The following SCN2B variants were observed in gnomAD, a reference collection of about 807,000 sequenced individuals.
SCN2B encodes sodium channel regulatory subunit beta-2.
In SCN2B, 14 loss-of-function variants were observed where a neutral mutation model predicts 18.2. The ratio of observed to expected loss-of-function variants is 0.77; its 90% CI spans 0.51 to 1.21. The LOEUF is 1.21. SCN2B is among the 50% of genes most tolerant of loss of function. The probability of loss-of-function intolerance (pLI) is 0.00; values close to 1 mark genes in which losing one functional copy is unlikely to be tolerated. For missense variants in SCN2B, 262 were observed against 286.9 expected (o/e 0.91, Z 0.63); for synonymous variants, 115 against 115.3 (o/e 1.00, Z 0.02).
rs749991669 is a variant in SCN2B at position 118,166,842 on chromosome 11, G to C, written c.*45C>G. 3 of 1,608,500 alleles carry C rather than the reference G, an allele frequency of 1.9e-6. No homozygotes were observed. The highest frequency in any genetic ancestry group is 2.5e-6 in the Non-Finnish European group (3 of 1,177,050). On this transcript the variant is annotated 3_prime_UTR_variant, in exon 4 of 4. Coordinates refer to ENST00000278947, the MANE Select transcript of SCN2B (RefSeq NM_004588.5). ...AGGCAGGGTCACTGTACAGGGCGGA[G>C]AGGGGAGGAGACGGGACACGGGAGG...
At chr11:118,167,989 G>C in intron 3 of SCN2B, 96 bp downstream of exon 3, 2 of 977,268 alleles carry the variant, frequency 2.0e-6, no homozygotes, top group South Asian at 1.4e-5. Flanking sequence ...CCATCCTCAG[G>C]AGGGCCTGGC....
rs142570954 is a variant in SCN2B at position 118,174,912 on chromosome 11, C to T, written c.70+1450G>A. Among the ~76,000 whole-genome samples the T allele has an allele frequency of 4.5e-3, 683 of 152,316 alleles. 4 individuals are homozygous for T. Among genetic ancestry groups the T allele is most frequent in the African/African-American group, 0.015 (624 of 41,564 alleles). On this transcript the variant is annotated intron_variant, in intron 1 of 3. Coordinates refer to ENST00000278947, the MANE Select transcript of SCN2B (RefSeq NM_004588.5). ...CCAACTCCCCTTCTTTCAGCCTGTC[C>T]TGAGACTCTGATCAATTAGGTACTG...
rs1411707172 is a variant in SCN2B, at chr11:118,168,676, G to A, written c.146C>T (p.Pro49Leu). 3 of 1,614,102 alleles carry A rather than the reference G, an allele frequency of 1.9e-6. No homozygotes were observed. Among genetic ancestry groups the A allele is most frequent in the Non-Finnish European group, 2.5e-6 (3 of 1,180,048 alleles). Residue 49 changes from proline (P) to leucine (L), a missense_variant, in exon 2 of 4, where the codon CCC becomes CTC. Coordinates refer to ENST00000278947, the MANE Select transcript of SCN2B (RefSeq NM_004588.5). The surrounding 1 kb of genome is among the most constrained non-coding windows in gnomAD (Gnocchi z 4.7). ...NVLNGSDARL[P>L]CTFNSCYTVN... Reference sequence around the variant, plus strand: ...TGTGTAGCAGGAGTTGAAGGTGCAGGGCAGGCGGGCGTCAGAGCCATTGAG... The same window carrying A: ...TGTGTAGCAGGAGTTGAAGGTGCAGAGCAGGCGGGCGTCAGAGCCATTGAG...
Position 118,176,367 on chromosome 11 carries a change from G to C in SCN2B, c.65C>G (p.Ser22Cys). The C allele has an allele frequency of 6.2e-7, 1 of 1,613,908 alleles. No homozygotes were observed. ...FSLTGLSLFF[S>C]LVPPGRSMEV... ...TGCAGATGTGTCTAACTTACCCAAA[G>C]AGAAAAAGAGACTGAGCCCCGTGAG... Residue 22 changes from serine to cysteine, a missense_variant, in exon 1 of 4, where the codon TCT becomes TGT. Transcript: ENST00000278947.
chr11:118,170,226 T>C (rs1054434851), intron 1 of SCN2B, among the ~76,000 whole-genome samples: 3 of 152,118 alleles, frequency 2.0e-5, no homozygotes, highest in African/African-American at 7.2e-5. Context: ...CATGGAGTTG[T>C]AGGTAGAGAC....
Position 118,176,584 on chromosome 11 carries a change from C to G in SCN2B, c.-153G>C. Reference sequence around the variant, plus strand: ...CATTAAGGAAGCTTTATTTCCATCTCTCTAATATGGCCGGCTTGTATGTTG... The same window carrying G: ...CATTAAGGAAGCTTTATTTCCATCTGTCTAATATGGCCGGCTTGTATGTTG... On this transcript the variant is annotated 5_prime_UTR_variant, in exon 1 of 4. Transcript: ENST00000278947. The G allele has an allele frequency of 1.6e-6, 1 of 616,778 alleles. No homozygotes were observed. Among genetic ancestry groups the G allele is most frequent in the South Asian group, 1.9e-5 (1 of 53,708 alleles). The allele number at this position is 616,778 out of a possible 1,614,324, so 38.2% of individuals were successfully genotyped here.
Position 118,168,340 on chromosome 11 carries a change from G to T in SCN2B, c.238-45C>A. On this transcript the variant is annotated intron_variant, in intron 2 of 3. Coordinates refer to ENST00000278947, the MANE Select transcript of SCN2B (RefSeq NM_004588.5). This position sits in a 1 kb window ranked among gnomAD's most constrained non-coding sequence, Gnocchi z 4.7. Reference sequence around the variant, plus strand: ...CAGGATGGGTGGCTGGATGAGCAAGGAACTACAAGGACAGTGAGGATGCCC... The same window carrying T: ...CAGGATGGGTGGCTGGATGAGCAAGTAACTACAAGGACAGTGAGGATGCCC... The T allele has an allele frequency of 6.5e-7, 1 of 1,541,010 alleles. No individual in the cohort carries two copies. The highest frequency in any genetic ancestry group is 9.0e-7 in the Non-Finnish European group (1 of 1,113,824).
chr11:118,167,620 A>G (rs1282718678), intron 3 of SCN2B, among the ~76,000 whole-genome samples: 4 of 152,188 alleles, frequency 2.6e-5, no homozygotes, highest in Non-Finnish European at 5.9e-5. Flanking sequence ...GCAGTGGCAC[A>G]ATCATGATTC....
In SCN2B at chr11:118,168,510, G is replaced by T; in HGVS notation, c.237+75C>A. ...GGGGCCCTAGCGCAGTGCCGGGGCC[G>T]GTGGTGGGACCAGGGGCTTCATGCC... On this transcript the variant is annotated intron_variant, in intron 2 of 3. Coordinates refer to ENST00000278947, the MANE Select transcript of SCN2B (RefSeq NM_004588.5). The surrounding 1 kb of genome is among the most constrained non-coding windows in gnomAD (Gnocchi z 4.7). 6.3e-7 allele frequency: 1 copy of T among 1,589,866 alleles called. No individual in the cohort carries two copies.
rs1948343210 is a variant in SCN2B, at chr11:118,162,862, A to C, written c.*4025T>G. 1 of 152,294 alleles carries C rather than the reference A, an allele frequency of 6.6e-6. No homozygotes were observed. Among genetic ancestry groups the C allele is most frequent in the Non-Finnish European group, 1.5e-5 (1 of 68,032 alleles). The allele number at this position is 152,294 out of a possible 1,614,324, so 9.4% of individuals were successfully genotyped here. A position where few individuals can be genotyped will look rare whatever the true frequency, so the allele number is the denominator to read the frequency against. ...AGACCCAAACAATAAGACAAATTGC[A>C]AAAGAAACTCAGTCTGCTCCCAAAA... On this transcript the variant is annotated 3_prime_UTR_variant, in exon 4 of 4. Coordinates refer to ENST00000278947, the MANE Select transcript of SCN2B (RefSeq NM_004588.5).
chr11:118,173,445 T>C (rs1418114739), intron 1 of SCN2B, among the ~76,000 whole-genome samples: 1 of 152,222 alleles, frequency 6.6e-6, no homozygotes, highest in African/African-American at 2.4e-5. Flanking sequence ...ACCCCAGCCC[T>C]GTTCCTATCT....
At chr11:118,169,272 C>T (rs1476478184) in intron 1 of SCN2B, among the ~76,000 whole-genome samples, 1 of 152,172 alleles carries the variant, frequency 6.6e-6, no homozygotes, top group Non-Finnish European at 1.5e-5. Flanking sequence ...CACTGTTAGG[C>T]ACCCCTGCCC....
intron 1 of SCN2B, among the ~76,000 whole-genome samples, chr11:118,175,170 C>T (rs1341291787): frequency 1.3e-5 from 2 of 152,200 alleles, no homozygotes; most frequent in African/African-American, 4.8e-5. Flanking sequence ...TCGTTGAGTT[C>T]CTGCCATGCA....
In SCN2B at chr11:118,164,284, C is replaced by A. The variant is rs1168200781; in HGVS notation, c.*2603G>T. On this transcript the variant is annotated 3_prime_UTR_variant, in exon 4 of 4. Transcript: ENST00000278947. ...AGGGTGACCAAAAAAATGAAATCTG[C>A]AAGCTGCAGAAATGTATACAACCAC... The A allele has an allele frequency of 6.6e-6, 1 of 152,660 alleles. No homozygotes were observed. The highest frequency in any genetic ancestry group is 1.5e-5 in the Non-Finnish European group (1 of 68,038). The allele number at this position is 152,660 out of a possible 1,614,324, so 9.5% of individuals were successfully genotyped here.
At chr11:118,174,217 G>C (rs1424062269) in intron 1 of SCN2B, among the ~76,000 whole-genome samples, 1 of 146,828 alleles carries the variant, frequency 6.8e-6, no homozygotes, top group Admixed American at 6.9e-5. Context: ...TGGGATACAG[G>C]CGTGAGCCAC....
At chr11:118,174,917 ACT>A (rs1948457614) in intron 1 of SCN2B, among the ~76,000 whole-genome samples, 1 of 151,930 alleles carries the variant, frequency 6.6e-6, no homozygotes, top group Non-Finnish European at 1.5e-5. Context: ...CTGTCCTGAG[ACT>A]CTGATCAATT....
At chr11:118,176,165 C>T (rs1401867998) in intron 1 of SCN2B, among the ~76,000 whole-genome samples, 197 bp downstream of exon 1, 1 of 152,130 alleles carries the variant, frequency 6.6e-6, no homozygotes, top group Non-Finnish European at 1.5e-5. Context: ...ATCCCCTGAC[C>T]CAACATTTCT....
chr11:118,172,009 A>G lies in SCN2B; in HGVS notation c.71-3258T>C, dbSNP rs116922761. On this transcript the variant is annotated intron_variant, in intron 1 of 3. Transcript: ENST00000278947. ...AGCCCCTAATCCAATATCTCCACGTAAGCCTGTGGCCTCACCAGAATCCCA... is the reference window on the plus strand; with the variant it reads ...AGCCCCTAATCCAATATCTCCACGTGAGCCTGTGGCCTCACCAGAATCCCA... Among the ~76,000 whole-genome samples the G allele has an allele frequency of 6.6e-3, 1,005 of 152,294 alleles. 7 individuals carry two copies. Among genetic ancestry groups the G allele is most frequent in the East Asian group, 0.02 (103 of 5,174 alleles).
intron 1 of SCN2B, among the ~76,000 whole-genome samples, chr11:118,172,036 C>T (rs1448297250): frequency 6.6e-6 from 1 of 152,210 alleles, no homozygotes; most frequent in East Asian, 1.9e-4. Context: ...AGAATCCCAG[C>T]AGCTCTAGGG....
Sources: gnomAD v4.1 joint callset for allele counts (sites outside exome capture counted in the v4.1 genomes callset) on GRCh38, gnomAD v4.1.1 for gene constraint, Gnocchi (gnomAD v3.1) non-coding constraint, MANE v1.5 for transcripts, NCBI Gene and HGNC (gene_info 2026-07-23, HGNC 2026-07-21) for gene names.